ZNF609: variants seen among roughly 807,000 people sequenced by gnomAD.
ZNF609 encodes the protein zinc finger protein 609.
Under a neutral mutation model 109.5 loss-of-function variants are expected in ZNF609, and 11 were observed. The observed-to-expected ratio is 0.10, with a 90% CI of 0.06 to 0.17. The LOEUF (loss-of-function observed/expected upper bound fraction) is 0.17, where lower values mean the gene tolerates loss of function less well. Ranked by LOEUF, ZNF609 falls within the 10% of genes least tolerant of loss-of-function variation. The probability of loss-of-function intolerance (pLI) is 1.00; values close to 1 mark genes in which losing one functional copy is unlikely to be tolerated. For synonymous variants in ZNF609, 646 were observed against 662.0 expected (o/e 0.98, Z 0.37); for missense variants, 1,559 against 1,772.4 (o/e 0.88, Z 2.16).
intron 2 of ZNF609, among the ~76,000 whole-genome samples, chr15:64,540,506 G>A (rs1894231995): frequency 6.6e-6 from 1 of 151,950 alleles, no homozygotes; most frequent in African/African-American, 2.4e-5. Flanking sequence ...CTGGGTTCAA[G>A]TGATTCTCCT....
rs940085380 is a variant in ZNF609 at position 64,657,202 on chromosome 15, G to A, written c.974-13144G>A. On this transcript the variant is annotated intron_variant, in intron 3 of 9. Coordinates refer to ENST00000326648, the MANE Select transcript of ZNF609 (RefSeq NM_015042.2). ...TGAACCCAGGAGGTGAAGGGTTGCA[G>A]TGAGCCAAGATCGCACCACTGCACT... Among the ~76,000 whole-genome samples the A allele has an allele frequency of 6.6e-5, 10 of 150,594 alleles. No homozygotes were observed. The East Asian group carries it at 2.0e-3, about 30-fold the overall frequency.
intron 1 of ZNF609, among the ~76,000 whole-genome samples, chr15:64,483,316 A>T (rs900249807): frequency 3.3e-5 from 5 of 151,922 alleles, no homozygotes. Flanking sequence ...CTGGTCTCGA[A>T]CTCCCAGCCT....
At chr15:64,483,455 TG>T (rs930194085) in intron 1 of ZNF609, among the ~76,000 whole-genome samples, 31 of 152,114 alleles carry the variant, frequency 2.0e-4, no homozygotes, top group Admixed American at 1.5e-3. Context: ...GGCAGAATCA[TG>T]GCTCACTGCT....
At position 64,676,111 on chromosome 15, in the gene ZNF609, C is replaced by G. The variant is rs1216007524; in HGVS notation, c.3257C>G (p.Ser1086Cys). ...GTCATCATTCCCAAGTTAGATGACTCTTCAAAACTCCCGGGCCAGGCCCCT... is the reference window on the plus strand; with the variant it reads ...GTCATCATTCCCAAGTTAGATGACTGTTCAAAACTCCCGGGCCAGGCCCCT... ...KSVIIPKLDD[S>C]SKLPGQAPEG... is the part of the protein sequence containing the mutation. The change falls in exon 5 of 10, where the codon TCT (serine) becomes TGT (cysteine). Residue 1086 changes from serine to cysteine, a missense_variant. Ser to Cys is a moderately radical substitution (Grantham distance 112). Transcript: ENST00000326648. 1.9e-6 allele frequency: 3 copies of G among 1,614,236 alleles called. No individual in the cohort carries two copies. The highest frequency in any genetic ancestry group is 2.5e-6 in the Non-Finnish European group (3 of 1,180,056).
chr15:64,515,976 C>T (rs559465112), intron 2 of ZNF609, among the ~76,000 whole-genome samples: 2 of 151,696 alleles, frequency 1.3e-5, no homozygotes, highest in Non-Finnish European at 2.9e-5. Context: ...GGTAAATGTC[C>T]TCATGTCACA....
intron 1 of ZNF609, among the ~76,000 whole-genome samples, chr15:64,494,630 T>C (rs895716097): frequency 5.3e-5 from 8 of 152,128 alleles, no homozygotes; most frequent in African/African-American, 1.9e-4. Context: ...CTCCCAGCCA[T>C]TATCCTACCT....
intron 2 of ZNF609, among the ~76,000 whole-genome samples, chr15:64,621,393 A>G (rs1451013860): frequency 1.3e-5 from 2 of 151,360 alleles, no homozygotes; most frequent in Non-Finnish European, 2.9e-5. Flanking sequence ...TCTGTCACCC[A>G]GACTGGAGTA....
chr15:64,505,785 G>A (rs1893627521), intron 2 of ZNF609, among the ~76,000 whole-genome samples: 1 of 152,054 alleles, frequency 6.6e-6, no homozygotes, highest in African/African-American at 2.4e-5. Context: ...AGTATTCGGG[G>A]CCACTTCTCA....
intron 2 of ZNF609, among the ~76,000 whole-genome samples, chr15:64,615,149 A>G (rs971535127): frequency 1.3e-5 from 2 of 151,744 alleles, no homozygotes; most frequent in Non-Finnish European, 2.9e-5. Context: ...TTTTGAAGAC[A>G]GTATCTCATT....
At chr15:64,504,615 G>T (rs1893606223) in intron 2 of ZNF609, among the ~76,000 whole-genome samples, 1 of 150,986 alleles carries the variant, frequency 6.6e-6, no homozygotes. Context: ...GATTACAAGT[G>T]CATACCACCA....
chr15:64,519,023 A>G (rs962011743), intron 2 of ZNF609, among the ~76,000 whole-genome samples: 4 of 150,020 alleles, frequency 2.7e-5, no homozygotes, highest in African/African-American at 7.4e-5. Context: ...TCATATGCAC[A>G]TCTATCATTT....
chr15:64,476,991 C>A (rs1260826595), intron 1 of ZNF609, among the ~76,000 whole-genome samples: 1 of 152,088 alleles, frequency 6.6e-6, no homozygotes, highest in Non-Finnish European at 1.5e-5. Flanking sequence ...CTTTGACTTC[C>A]TCTCAACACA....
intron 3 of ZNF609, among the ~76,000 whole-genome samples, chr15:64,652,336 T>TAC (rs1231431625): frequency 1.3e-5 from 2 of 148,776 alleles, no homozygotes; most frequent in African/African-American, 5.1e-5. Context: ...ATTTTTATTT[T>TAC]ATATATATAT....
chr15:64,498,310 A>C (rs973328914), intron 1 of ZNF609, among the ~76,000 whole-genome samples: 7 of 152,108 alleles, frequency 4.6e-5, no homozygotes, highest in Admixed American at 4.6e-4. Flanking sequence ...TCTGCCTCCC[A>C]AAGTGCTGGG....
At chr15:64,597,377 C>G in intron 2 of ZNF609, among the ~76,000 whole-genome samples, 1 of 152,140 alleles carries the variant, frequency 6.6e-6, no homozygotes. Flanking sequence ...GGAGGGACTG[C>G]TATTTGGAAA....
chr15:64,554,644 C>T (rs1364847232), intron 2 of ZNF609, among the ~76,000 whole-genome samples: 2 of 151,818 alleles, frequency 1.3e-5, no homozygotes, highest in Admixed American at 6.6e-5. Flanking sequence ...GGCAACAGAT[C>T]AAGACCTTGC....
At chr15:64,554,940 T>C (rs192269597) in intron 2 of ZNF609, among the ~76,000 whole-genome samples, 4 of 151,552 alleles carry the variant, frequency 2.6e-5, no homozygotes, top group African/African-American at 9.7e-5. Context: ...CCACTAAAAA[T>C]ACAAAAATTA....
intron 2 of ZNF609, among the ~76,000 whole-genome samples, chr15:64,589,578 TA>T (rs1193237422): frequency 1.3e-5 from 2 of 152,204 alleles, no homozygotes; most frequent in African/African-American, 4.8e-5. Flanking sequence ...AGGCTCTATT[TA>T]AAGCCAAGAT....
At chr15:64,548,683 G>A (rs1894407891) in intron 2 of ZNF609, among the ~76,000 whole-genome samples, 1 of 152,112 alleles carries the variant, frequency 6.6e-6, no homozygotes, top group African/African-American at 2.4e-5. Context: ...TAGGACTTGA[G>A]CTCAGGAGGT....
Sources: gnomAD v4.1 joint callset for allele counts (sites outside exome capture counted in the v4.1 genomes callset) on GRCh38, gnomAD v4.1.1 for gene constraint, MANE v1.5 for transcripts, NCBI Gene and HGNC (gene_info 2026-07-23, HGNC 2026-07-21) for gene names.